FOXP2: variants seen among roughly 807,000 people sequenced by gnomAD.
FOXP2 encodes the protein forkhead box protein P2.
FOXP2 carries 12 observed loss-of-function variants against 115.8 expected under a neutral mutation model. That is an observed-to-expected ratio of 0.10 (90% CI 0.07 to 0.17). The LOEUF (loss-of-function observed/expected upper bound fraction) is 0.17. Among genes scored for constraint, FOXP2 ranks in the 10% least tolerant of loss-of-function variants. The pLI is 1.00. For synonymous variants in FOXP2, 328 were observed against 297.7 expected (o/e 1.10, Z -1.05); for missense variants, 629 against 843.5 (o/e 0.75, Z 3.15).
At chr7:114,561,857 A>G (rs1386930941) in intron 3 of FOXP2, among the ~76,000 whole-genome samples, 5 of 152,146 alleles carry the variant, frequency 3.3e-5, no homozygotes, top group South Asian at 2.1e-4. Context: ...TAGCATGATC[A>G]TAGTTTACAA....
intron 1 of FOXP2, among the ~76,000 whole-genome samples, chr7:114,096,444 T>G (rs527247051): frequency 6.6e-6 from 1 of 152,326 alleles, no homozygotes; most frequent in Non-Finnish European, 1.5e-5. Context: ...CTAACTTTGC[T>G]TCTTTGTAAT....
chr7:114,128,435 T>C (rs1791780018), intron 1 of FOXP2, among the ~76,000 whole-genome samples: 1 of 151,840 alleles, frequency 6.6e-6, no homozygotes, highest in African/African-American at 2.4e-5. Context: ...TTTTTTTTTT[T>C]TGCCAAAAAT....
intron 3 of FOXP2, among the ~76,000 whole-genome samples, chr7:114,601,346 C>G (rs991320073): frequency 3.3e-5 from 5 of 152,048 alleles, no homozygotes; most frequent in African/African-American, 9.7e-5. Flanking sequence ...AATGGATCAG[C>G]CTTTTTGATG....
intron 2 of FOXP2, among the ~76,000 whole-genome samples, chr7:114,494,499 CT>C (rs1367376922): frequency 6.6e-6 from 1 of 152,034 alleles, no homozygotes. Context: ...CAATATTTCT[CT>C]TTTTATCCTT....
chr7:114,135,105 A>G (rs1167449002), intron 1 of FOXP2, among the ~76,000 whole-genome samples: 1 of 152,250 alleles, frequency 6.6e-6, no homozygotes, highest in African/African-American at 2.4e-5. Flanking sequence ...CATAGGGCAC[A>G]TGCCAAATTT....
intron 1 of FOXP2, among the ~76,000 whole-genome samples, chr7:114,262,821 T>G (rs1177462578): frequency 6.6e-6 from 1 of 152,206 alleles, no homozygotes; most frequent in Non-Finnish European, 1.5e-5. Flanking sequence ...CTTTCATCCT[T>G]GTTGATCATG....
chr7:114,604,035 A>G (rs1803174835), intron 3 of FOXP2, among the ~76,000 whole-genome samples: 1 of 152,158 alleles, frequency 6.6e-6, no homozygotes, highest in Admixed American at 6.6e-5. Context: ...TAAGTACAGG[A>G]TTGAATATGC....
chr7:114,518,299 T>C (rs947131097), intron 2 of FOXP2, among the ~76,000 whole-genome samples: 4 of 152,180 alleles, frequency 2.6e-5, no homozygotes, highest in Admixed American at 2.0e-4. Context: ...GTTTTAATAA[T>C]ATTCAATGAA....
intron 1 of FOXP2, among the ~76,000 whole-genome samples, chr7:114,222,404 C>A (rs1014793341): frequency 1.3e-5 from 2 of 152,186 alleles, no homozygotes; most frequent in Non-Finnish European, 2.9e-5. Context: ...CCCACCTCAG[C>A]CTCCCAAAAT....
chr7:114,124,889 G>T (rs749576516), intron 1 of FOXP2, among the ~76,000 whole-genome samples: 1 of 151,998 alleles, frequency 6.6e-6, no homozygotes, highest in Non-Finnish European at 1.5e-5. Flanking sequence ...TACAATTCAT[G>T]ATTACTCTAA....
intron 2 of FOXP2, among the ~76,000 whole-genome samples, chr7:114,298,375 G>A (rs971049784): frequency 1.3e-5 from 2 of 152,066 alleles, no homozygotes; most frequent in East Asian, 1.9e-4. Flanking sequence ...ATTAAGTAGT[G>A]TATGTTCTTT....
At chr7:114,584,910 G>C (rs1449923322) in intron 3 of FOXP2, among the ~76,000 whole-genome samples, 1 of 152,168 alleles carries the variant, frequency 6.6e-6, no homozygotes, top group African/African-American at 2.4e-5. Context: ...ATACACACAA[G>C]TGTTTCTAGC....
intron 3 of FOXP2, among the ~76,000 whole-genome samples, chr7:114,548,430 A>G (rs1439235637): frequency 6.6e-6 from 1 of 152,216 alleles, no homozygotes; most frequent in Non-Finnish European, 1.5e-5. Flanking sequence ...GCCAACATCT[A>G]GCAACTTCTG....
intron 1 of FOXP2, among the ~76,000 whole-genome samples, chr7:114,088,535 TGTAAGGCATA>T: frequency 6.6e-6 from 1 of 152,262 alleles, no homozygotes; most frequent in African/African-American, 2.4e-5. Context: ...AAAGTTTGCC[TGTAAGGCATA>T]TCTTTGCAGG....
chr7:114,279,457 A>G (rs1052699512), intron 1 of FOXP2, among the ~76,000 whole-genome samples: 1 of 152,136 alleles, frequency 6.6e-6, no homozygotes, highest in African/African-American at 2.4e-5. Context: ...TATTTTTCAC[A>G]TACTTGAAAA....
intron 1 of FOXP2, among the ~76,000 whole-genome samples, chr7:114,168,874 A>T (rs893067914): frequency 6.6e-6 from 1 of 152,020 alleles, no homozygotes; most frequent in Non-Finnish European, 1.5e-5. Context: ...CATCCCAGCC[A>T]CTCCAGCCAT....
intron 2 of FOXP2, among the ~76,000 whole-genome samples, chr7:114,487,212 A>G (rs539016752): frequency 1.8e-4 from 28 of 152,276 alleles, no homozygotes; most frequent in Admixed American, 5.9e-4. Context: ...TCTGTGCCCC[A>G]ACAGGATCAA....
chr7:114,305,729 A>T (rs190428821), intron 2 of FOXP2, among the ~76,000 whole-genome samples: 35 of 152,242 alleles, frequency 2.3e-4, no homozygotes, highest in East Asian at 2.1e-3. Context: ...AATGCAGTTA[A>T]TGAAAACACT....
chr7:114,093,799 G>A (rs999016621), intron 1 of FOXP2, among the ~76,000 whole-genome samples: 2 of 151,854 alleles, frequency 1.3e-5, no homozygotes, highest in Non-Finnish European at 2.9e-5. Flanking sequence ...ATTGATCTGA[G>A]AAACAACATA....
Sources: gnomAD v4.1 joint callset for allele counts (sites outside exome capture counted in the v4.1 genomes callset) on GRCh38, gnomAD v4.1.1 for gene constraint, MANE v1.5 for transcripts, NCBI Gene and HGNC (gene_info 2026-07-23, HGNC 2026-07-21) for gene names.